Variants in TTC7A observed in about 807,000 individuals in gnomAD.
TTC7A encodes the protein tetratricopeptide repeat protein 7A.
In TTC7A, 110 loss-of-function variants were observed where a neutral mutation model predicts 103.7. The observed-to-expected ratio is 1.06, with a 90% CI of 0.91 to 1.24. The LOEUF is 1.24. Among genes scored for constraint, TTC7A ranks in the 50% most tolerant of loss-of-function variants. The probability of loss-of-function intolerance (pLI) is 0.00; values close to 1 mark genes in which losing one functional copy is unlikely to be tolerated. For missense variants in TTC7A, 1,340 were observed against 1,116.3 expected, an observed-to-expected ratio of 1.20 and a Z score of -2.86; for synonymous variants, 521 against 467.9, an observed-to-expected ratio of 1.11 and a Z score of -1.47.
intron 19 of TTC7A, among the ~76,000 whole-genome samples, chr2:47,070,023 C>T (rs754731476): frequency 6.6e-6 from 1 of 151,716 alleles, no homozygotes; most frequent in Non-Finnish European, 1.5e-5. Context: ...TCAGCCTGGC[C>T]CACAGCTGGC....
intron 14 of TTC7A, among the ~76,000 whole-genome samples, chr2:47,025,481 G>T (rs1221921940): frequency 6.6e-6 from 1 of 152,130 alleles, no homozygotes; most frequent in Non-Finnish European, 1.5e-5. Flanking sequence ...TGCCTCTGGG[G>T]CAAGCCAGGC....
At chr2:46,920,501 T>G (rs1168278416) in intron 2 of TTC7A, among the ~76,000 whole-genome samples, 1 of 152,038 alleles carries the variant, frequency 6.6e-6, no homozygotes, top group East Asian at 1.9e-4. Context: ...AGCTAATTTT[T>G]TGTATTTTTA....
intron 2 of TTC7A, among the ~76,000 whole-genome samples, chr2:46,951,289 G>A (rs1671380381): frequency 6.6e-6 from 1 of 151,990 alleles, no homozygotes; most frequent in Admixed American, 6.6e-5. Context: ...TCATTGGGGA[G>A]CTGGTTAGAA....
At chr2:47,008,287 A>ACTC (rs1488389559) in intron 10 of TTC7A, among the ~76,000 whole-genome samples, 2 of 152,028 alleles carry the variant, frequency 1.3e-5, no homozygotes, top group African/African-American at 4.8e-5. Flanking sequence ...GAAGCTGAGG[A>ACTC]CTCCTGCTCA....
intron 1 of TTC7A, among the ~76,000 whole-genome samples, chr2:46,949,649 C>T (rs1406796169): frequency 6.6e-5 from 10 of 152,168 alleles, no homozygotes; most frequent in Admixed American, 2.6e-4. Flanking sequence ...TCAACATGTT[C>T]GAGGATTTGC....
At chr2:47,072,269 C>A (rs1684804162) in intron 19 of TTC7A, among the ~76,000 whole-genome samples, 2 of 152,232 alleles carry the variant, frequency 1.3e-5, no homozygotes, top group Admixed American at 1.3e-4. Flanking sequence ...CTGGCCTCTG[C>A]ACGCCTCATC....
At chr2:47,004,568 C>G (rs1677174001) in intron 8 of TTC7A, among the ~76,000 whole-genome samples, 2 of 152,076 alleles carry the variant, frequency 1.3e-5, no homozygotes, top group African/African-American at 2.4e-5. Flanking sequence ...TCTTGAGGTC[C>G]TGTGTATGGA....
chr2:46,973,718 A>G (rs1673583314), intron 3 of TTC7A, among the ~76,000 whole-genome samples: 1 of 152,272 alleles, frequency 6.6e-6, no homozygotes, highest in Non-Finnish European at 1.5e-5. Context: ...AAATGCCCAA[A>G]TCGTGCCAGT....
At chr2:46,982,030 G>A (rs1018736784) in intron 5 of TTC7A, among the ~76,000 whole-genome samples, 8 of 152,192 alleles carry the variant, frequency 5.3e-5, no homozygotes, top group African/African-American at 1.9e-4. Flanking sequence ...CTGCCCTTGC[G>A]GTTGTGGGGA....
upstream of TTC7A, among the ~76,000 whole-genome samples, chr2:46,937,061 G>T (rs1325872445): frequency 6.6e-6 from 1 of 151,792 alleles, no homozygotes. This position sits in a 1 kb window ranked among gnomAD's most constrained non-coding sequence, Gnocchi z 4.0. Context: ...TTGCCATATT[G>T]CCCAGGCTCG....
intron 8 of TTC7A, among the ~76,000 whole-genome samples, chr2:47,003,028 C>G (rs1482263274): frequency 1.3e-5 from 2 of 152,144 alleles, no homozygotes; most frequent in Non-Finnish European, 1.5e-5. Context: ...CTCTTCTGTT[C>G]CTATTCTTCT....
intron 11 of TTC7A, 55 bp from the exon 12 acceptor site, chr2:47,021,807 C>A: frequency 1.4e-6 from 2 of 1,417,456 alleles, no homozygotes; most frequent in Non-Finnish European, 2.0e-6. Flanking sequence ...GAGTCATTCA[C>A]TGGTAGAGGA....
intron 15 of TTC7A, among the ~76,000 whole-genome samples, chr2:47,042,729 G>C (rs997565309): frequency 6.6e-6 from 1 of 151,414 alleles, no homozygotes; most frequent in African/African-American, 2.4e-5. Context: ...GTAATTAAGT[G>C]CTAATGGAAC....
intron 12 of TTC7A, among the ~76,000 whole-genome samples, chr2:47,022,686 C>A (rs905636306): frequency 2.0e-5 from 3 of 152,134 alleles, no homozygotes; most frequent in African/African-American, 7.2e-5. Context: ...GCGGCAGTCA[C>A]GGTGACATCG....
At chr2:46,989,172 A>T (rs1450285842) in intron 5 of TTC7A, among the ~76,000 whole-genome samples, 1 of 152,134 alleles carries the variant, frequency 6.6e-6, no homozygotes, top group East Asian at 1.9e-4. Context: ...CGTGTCCTTG[A>T]CCCATCATCA....
intron 3 of TTC7A, among the ~76,000 whole-genome samples, chr2:46,965,504 A>G (rs1176311625): frequency 6.6e-6 from 1 of 151,530 alleles, no homozygotes; most frequent in Non-Finnish European, 1.5e-5. Flanking sequence ...ACCTGGAGCT[A>G]GTCGACACTG....
At chr2:46,989,949 C>G (rs1424957478) in intron 5 of TTC7A, among the ~76,000 whole-genome samples, 1 of 152,248 alleles carries the variant, frequency 6.6e-6, no homozygotes, top group Admixed American at 6.5e-5. Context: ...AAAGGCTGAG[C>G]TCATTTGGCA....
chr2:46,949,083 A>G (rs1390306655), intron 1 of TTC7A, among the ~76,000 whole-genome samples: 3 of 152,162 alleles, frequency 2.0e-5, no homozygotes, highest in South Asian at 2.1e-4. Flanking sequence ...CCCAAGAACC[A>G]TGGTGAAACC....
intron 1 of TTC7A, among the ~76,000 whole-genome samples, chr2:46,945,132 A>AT (rs967048209): frequency 6.7e-4 from 99 of 148,238 alleles, no homozygotes; most frequent in South Asian, 5.3e-3. Flanking sequence ...TTTCTTTTTA[A>AT]TTTTTTTTTT....
Sources: gnomAD v4.1 joint callset for allele counts (sites outside exome capture counted in the v4.1 genomes callset) on GRCh38, gnomAD v4.1.1 for gene constraint, Gnocchi (gnomAD v3.1) non-coding constraint, MANE v1.5 for transcripts, NCBI Gene and HGNC (gene_info 2026-07-23, HGNC 2026-07-21) for gene names.